IGF1R: variants seen among roughly 807,000 people sequenced by gnomAD.
IGF1R encodes the protein insulin like growth factor 1 receptor.
Under a neutral mutation model 144.6 loss-of-function variants are expected in IGF1R, and 44 were observed. The ratio of observed to expected loss-of-function variants is 0.30; its 90% confidence interval spans 0.24 to 0.39. The LOEUF is 0.39. IGF1R is among the 10% of genes least tolerant of loss of function. IGF1R has a pLI of 1.00. For synonymous variants in IGF1R, 795 were observed against 722.8 expected, an observed-to-expected ratio of 1.10 and a Z score of -1.60; for missense variants, 1,355 against 1,833.7, an observed-to-expected ratio of 0.74 and a Z score of 4.77.
At chr15:98,896,956 T>C (rs1483589897) in intron 4 of IGF1R, 51 bp downstream of exon 4, 2 of 1,582,166 alleles carry the variant, frequency 1.3e-6, no homozygotes, top group South Asian at 2.2e-5. Context: ...GGTTTTCTTT[T>C]GTTGATGCTT....
At chr15:98,659,206 A>G (rs1316041272) in intron 1 of IGF1R, among the ~76,000 whole-genome samples, 1 of 152,262 alleles carries the variant, frequency 6.6e-6, no homozygotes, top group East Asian at 1.9e-4. Context: ...GTGTTTATTA[A>G]CAAGATGGCA....
intron 1 of IGF1R, among the ~76,000 whole-genome samples, chr15:98,650,731 G>C (rs1269082130): frequency 6.6e-6 from 1 of 152,212 alleles, no homozygotes; most frequent in Non-Finnish European, 1.5e-5. Flanking sequence ...TTTTGCGAGC[G>C]CGGAGCCCTG....
At position 98,789,868 on chromosome 15, in the gene IGF1R, G is replaced by A. The variant is rs72752816; in HGVS notation, c.640+81761G>A. On this transcript the variant is annotated intron_variant, in intron 2 of 20. Coordinates refer to ENST00000650285, the MANE Select transcript of IGF1R (RefSeq NM_000875.5). ...CATGGGAGGAAGAAGTCAGAGAGGC[G>A]GGTTGCTGGAGCTCAGAGAATAAAA... Among the ~76,000 whole-genome samples the A allele has an allele frequency of 2.2e-3, 339 of 152,148 alleles. 1 individual carries two copies. Among genetic ancestry groups the A allele is most frequent in the Admixed American group, 5.5e-3 (84 of 15,294 alleles).
At chr15:98,921,376 G>T (rs1471962134) in intron 10 of IGF1R, among the ~76,000 whole-genome samples, 1 of 152,152 alleles carries the variant, frequency 6.6e-6, no homozygotes, top group Non-Finnish European at 1.5e-5. Flanking sequence ...TGTCCTTTTT[G>T]TGATGACTTT....
intron 2 of IGF1R, among the ~76,000 whole-genome samples, chr15:98,804,501 G>A (rs2056430120): frequency 6.6e-6 from 1 of 152,132 alleles, no homozygotes; most frequent in African/African-American, 2.4e-5. Context: ...ACAGTGGTTT[G>A]CTTGTTGATT....
In IGF1R at chr15:98,963,797, A is replaced by G; in HGVS notation, c.*6355A>G. The G allele has an allele frequency of 4.3e-6, 1 of 233,062 alleles. No individual in the cohort carries two copies. The highest frequency in any genetic ancestry group is 8.5e-6 in the Non-Finnish European group (1 of 117,912). 14.4% of individuals were successfully genotyped at this position (233,062 alleles called of 1,614,324 possible). On this transcript the variant is annotated 3_prime_UTR_variant, in exon 21 of 21. Coordinates refer to ENST00000650285, the MANE Select transcript of IGF1R (RefSeq NM_000875.5). ...AAGATACGTATTTCCAATACAGAAA[A>G]GAATTTTTAATAAAAACTATAACAT...
At chr15:98,950,437 C>T (rs547324649) in intron 20 of IGF1R, among the ~76,000 whole-genome samples, 1 of 152,332 alleles carries the variant, frequency 6.6e-6, no homozygotes, top group South Asian at 2.1e-4. Context: ...GCAGTCTCAC[C>T]TGAGGCTCAG....
At chr15:98,815,617 G>A (rs1475053758) in intron 2 of IGF1R, among the ~76,000 whole-genome samples, 2 of 152,328 alleles carry the variant, frequency 1.3e-5, no homozygotes, top group South Asian at 2.1e-4. Flanking sequence ...AAGAGACTGG[G>A]CTTACCTCTT....
chr15:98,724,571 C>G (rs925519730), intron 2 of IGF1R, among the ~76,000 whole-genome samples: 1 of 152,226 alleles, frequency 6.6e-6, no homozygotes, highest in African/African-American at 2.4e-5. Context: ...CTGTAATAGA[C>G]ACGTTGTCAT....
intron 2 of IGF1R, among the ~76,000 whole-genome samples, chr15:98,780,775 TA>T (rs1378579018): frequency 1.3e-5 from 2 of 152,156 alleles, no homozygotes; most frequent in Admixed American, 1.3e-4. Flanking sequence ...GTGAATTGCT[TA>T]ATGTTTTTGG....
chr15:98,684,745 G>GAGAGC (rs1347049532), intron 1 of IGF1R, among the ~76,000 whole-genome samples: 1 of 152,112 alleles, frequency 6.6e-6, no homozygotes, highest in Non-Finnish European at 1.5e-5. Context: ...TGTGTGCTGA[G>GAGAGC]AGAGCGCATG....
At chr15:98,911,965 A>G (rs571932771) in intron 7 of IGF1R, among the ~76,000 whole-genome samples, 3 of 152,108 alleles carry the variant, frequency 2.0e-5, no homozygotes, top group Non-Finnish European at 4.4e-5. Context: ...AGAGAGAACA[A>G]CCTTCATGTC....
In IGF1R at chr15:98,929,540, T is replaced by A; in HGVS notation, c.2783-18T>A. The A allele has an allele frequency of 1.9e-6, 3 of 1,585,474 alleles. No individual in the cohort carries two copies. Among genetic ancestry groups the A allele is most frequent in the Non-Finnish European group, 2.6e-6 (3 of 1,153,932 alleles). On this transcript the variant is annotated intron_variant, in intron 13 of 20. Coordinates refer to ENST00000650285, the MANE Select transcript of IGF1R (RefSeq NM_000875.5). ...GTTCACCTGGTGATATTTTATCATTTCCTCCTCTTTGCTGCAGCAGGATAT... is the reference window on the plus strand; with the variant it reads ...GTTCACCTGGTGATATTTTATCATTACCTCCTCTTTGCTGCAGCAGGATAT...
rs1472962698 is a variant in IGF1R at position 98,648,836 on chromosome 15, G to C, written c.-746G>C. The C allele has an allele frequency of 6.6e-6, 1 of 152,302 alleles. No homozygotes were observed. The highest frequency in any genetic ancestry group is 2.5e-5 in the African/African-American group (1 of 40,486). 9.4% of individuals were successfully genotyped at this position (152,302 alleles called of 1,614,324 possible). A position where few individuals can be genotyped will look rare whatever the true frequency, so the allele number is the denominator to read the frequency against. Reference sequence around the variant, plus strand: ...TGACCTTCAGCGAGCCGGAGCCCCCGCGCAGAGCAGGCGGCGGCGGGCGGG... The same window carrying C: ...TGACCTTCAGCGAGCCGGAGCCCCCCCGCAGAGCAGGCGGCGGCGGGCGGG... On this transcript the variant is annotated 5_prime_UTR_variant, in exon 1 of 21. Coordinates refer to ENST00000650285, the MANE Select transcript of IGF1R (RefSeq NM_000875.5).
intron 10 of IGF1R, among the ~76,000 whole-genome samples, chr15:98,919,535 C>T (rs1032266484): frequency 2.0e-5 from 3 of 152,150 alleles, no homozygotes; most frequent in Admixed American, 6.5e-5. Context: ...GACGTGAAGG[C>T]AGAGCTGTGA....
At chr15:98,786,547 G>A (rs2141405832) in intron 2 of IGF1R, among the ~76,000 whole-genome samples, 1 of 152,262 alleles carries the variant, frequency 6.6e-6, no homozygotes, top group Non-Finnish European at 1.5e-5. Flanking sequence ...AGACGTGGAT[G>A]AATCAAAATC....
At chr15:98,674,977 A>ATTTTTTTTTTTTTT (rs71149408) in intron 1 of IGF1R, among the ~76,000 whole-genome samples, 76 of 98,900 alleles carry the variant, frequency 7.7e-4, no homozygotes, top group African/African-American at 3.0e-3. Flanking sequence ...GTATTTTACA[A>ATTTTTTTTTTTTTT]TTTTTTTTTT....
chr15:98,707,987 C>T lies in IGF1R; in HGVS notation c.520C>T (p.Pro174Ser), dbSNP rs2141259778. The change falls in exon 2 of 21, where the codon CCC (proline) becomes TCC (serine). Residue 174 changes from proline (P) to serine (S), a missense_variant. Around this residue, in one of 7 missense-constraint regions of IGF1R, gnomAD observed 880 missense variants for 1,202.7 expected, o/e 0.73. Coordinates refer to ENST00000650285, the MANE Select transcript of IGF1R (RefSeq NM_000875.5). This position sits in a 1 kb window ranked among gnomAD's most constrained non-coding sequence, Gnocchi z 6.7. Reference protein sequence around the residue: ...VSNNYIVGNKPPKECGDLCPG... With the variant: ...VSNNYIVGNKSPKECGDLCPG... ...CAATAACTACATTGTGGGGAATAAGCCCCCAAAGGAATGTGGGGACCTGTG... is the reference window on the plus strand; with the variant it reads ...CAATAACTACATTGTGGGGAATAAGTCCCCAAAGGAATGTGGGGACCTGTG... 6.2e-7 allele frequency: 1 copy of T among 1,614,068 alleles called. No homozygotes were observed. Among genetic ancestry groups the T allele is most frequent in the Non-Finnish European group, 8.5e-7 (1 of 1,179,966 alleles).
Position 98,726,712 on chromosome 15 carries a change from ATTTTTTTTT to A in IGF1R, c.640+18621_640+18629del, listed in dbSNP as rs756622481. Among the ~76,000 whole-genome samples, 384 of 93,096 alleles carry A rather than the reference ATTTTTTTTT, an allele frequency of 4.1e-3. 3 individuals are homozygous for A. The highest frequency in any genetic ancestry group is 0.015 in the African/African-American group (363 of 24,934). 61.1% of individuals were successfully genotyped at this position (93,096 alleles called of 152,430 possible). On this transcript the variant is annotated intron_variant, in intron 2 of 20. Coordinates refer to ENST00000650285, the MANE Select transcript of IGF1R (RefSeq NM_000875.5). ...GGCAGAATTCATTTTTACATTGATG[ATTTTTTTTT>A]TTTTTTTTTTTTTTTGAGATAGAGT...
Sources: gnomAD v4.1 joint callset for allele counts (sites outside exome capture counted in the v4.1 genomes callset) on GRCh38, gnomAD v4.1.1 for gene constraint, gnomAD v4.1.1 regional missense constraint, Gnocchi (gnomAD v3.1) non-coding constraint, MANE v1.5 for transcripts, NCBI Gene and HGNC (gene_info 2026-07-23, HGNC 2026-07-21) for gene names.